Variants in MAX observed in about 807,000 individuals in gnomAD.
MAX encodes the protein protein max.
MAX carries 3 observed loss-of-function variants against 22.3 expected under a neutral mutation model. That is an observed-to-expected ratio of 0.13 (90% CI 0.06 to 0.35). The LOEUF (loss-of-function observed/expected upper bound fraction) is 0.35. MAX is among the 10% of genes least tolerant of loss of function. The pLI, the probability that MAX is intolerant of heterozygous loss-of-function variation, is 1.00. For missense variants in MAX, 119 were observed against 209.4 expected, an observed-to-expected ratio of 0.57 and a Z score of 2.66; for synonymous variants, 72 against 77.7, an observed-to-expected ratio of 0.93 and a Z score of 0.39.
chr14:65,068,068 G>T (rs2062949210), intron 3 of MAX, among the ~76,000 whole-genome samples: 1 of 152,128 alleles, frequency 6.6e-6, no homozygotes, highest in Non-Finnish European at 1.5e-5. Context: ...GAGGTAGTTT[G>T]TCAGGTTCCT....
chr14:65,055,704 A>G (rs2139682294), intron 3 of MAX, among the ~76,000 whole-genome samples: 1 of 152,078 alleles, frequency 6.6e-6, no homozygotes. Flanking sequence ...TTTAGTAGAG[A>G]CAGGGTTTCC....
At chr14:65,068,327 C>A (rs905769034) in intron 3 of MAX, among the ~76,000 whole-genome samples, 1 of 152,106 alleles carries the variant, frequency 6.6e-6, no homozygotes, top group Non-Finnish European at 1.5e-5. Flanking sequence ...CTCAGCTACT[C>A]GAGAAGCTGA....
rs768055651 is a variant in MAX at position 65,044,943 on chromosome 14, C to T, written c.172-38659G>A. 5.3e-5 allele frequency among the ~76,000 whole-genome samples: 8 copies of T among 152,094 alleles called. No homozygotes were observed. Among genetic ancestry groups the T allele is most frequent in the Non-Finnish European group, 1.0e-4 (7 of 68,016 alleles). The stretch of plus-strand genomic sequence containing the variant: ...CCTACACCATGGAGAAGAGACTCGC[C>T]GTGTCTGACTGGCTGCAGAGTTGTC... On this transcript the variant is annotated intron_variant, in intron 3 of 3. Transcript: ENST00000341653. The surrounding 1 kb of genome is among the most constrained non-coding windows in gnomAD (Gnocchi z 5.5).
Position 65,076,026 on chromosome 14 carries a change from CA to C in MAX, c.*449del. 8.9e-7 allele frequency: 1 copy of C among 1,118,232 alleles called. No homozygotes were observed. The highest frequency in any genetic ancestry group is 4.4e-5 in the East Asian group (1 of 22,982). The allele number at this position is 1,118,232 out of a possible 1,614,324, so 69.3% of individuals were successfully genotyped here. A position where few individuals can be genotyped will look rare whatever the true frequency, so the allele number is the denominator to read the frequency against. On this transcript the variant is annotated 3_prime_UTR_variant, in exon 5 of 5. Transcript: ENST00000358664. This position sits in a 1 kb window ranked among gnomAD's most constrained non-coding sequence, Gnocchi z 6.6. ...GATTACTCCAAACCGGTCATCTTCT[CA>C]AAGTAGAGCAGTTCAGATTCACAAA...
Position 65,076,920 on chromosome 14 carries a change from A to G in MAX, c.296-257T>C. On this transcript the variant is annotated intron_variant, in intron 4 of 4. Coordinates refer to ENST00000358664, the MANE Select transcript of MAX (RefSeq NM_002382.5). The surrounding 1 kb of genome is among the most constrained non-coding windows in gnomAD (Gnocchi z 6.6). ...CTCTGAAGAGAAGGCTTGTGATGTC[A>G]CCGTCCTGCCGTGGAAGCCCCGTGG... The G allele has an allele frequency of 8.4e-6, 5 of 594,882 alleles. No individual in the cohort carries two copies. The highest frequency in any genetic ancestry group is 1.5e-5 in the Non-Finnish European group (5 of 330,734). 36.9% of individuals were successfully genotyped at this position (594,882 alleles called of 1,614,324 possible).
intron 3 of MAX, among the ~76,000 whole-genome samples, chr14:65,092,386 T>C (rs1334142662): frequency 1.3e-5 from 2 of 152,206 alleles, no homozygotes; most frequent in East Asian, 1.9e-4. Context: ...TAATTGATAC[T>C]ATGGTACAGG....
At chr14:65,065,227 G>C (rs528895421) in intron 3 of MAX, among the ~76,000 whole-genome samples, 15 of 152,324 alleles carry the variant, frequency 9.8e-5, no homozygotes, top group African/African-American at 3.4e-4. Flanking sequence ...GGAAACCAGC[G>C]TGAGAAGCCA....
intron 3 of MAX, among the ~76,000 whole-genome samples, chr14:65,065,485 CTA>C (rs2062922692): frequency 1.3e-5 from 2 of 152,294 alleles, no homozygotes; most frequent in African/African-American, 4.8e-5. Context: ...ATGGCCTACC[CTA>C]CCGCACACCT....
intron 3 of MAX, chr14:65,040,951 GC>G (rs757830095): frequency 1.2e-5 from 19 of 1,607,972 alleles, no homozygotes; most frequent in Middle Eastern, 3.3e-4. Flanking sequence ...CCCCTCTCAG[GC>G]CCCAGGTCAT....
Position 65,088,230 on chromosome 14 carries a change from C to T in MAX, c.171+5478G>A, listed in dbSNP as rs752922181. ...TGGAAGGTTAATGTCAGGAAGGAGGCGAAAAAGCAGGTAGGTAAGCTGGGT... is the reference window on the plus strand; with the variant it reads ...TGGAAGGTTAATGTCAGGAAGGAGGTGAAAAAGCAGGTAGGTAAGCTGGGT... On this transcript the variant is annotated intron_variant, in intron 3 of 4. Coordinates refer to ENST00000358664, the MANE Select transcript of MAX (RefSeq NM_002382.5). This position sits in a 1 kb window ranked among gnomAD's most constrained non-coding sequence, Gnocchi z 5.2. Among the ~76,000 whole-genome samples, 7 of 152,008 alleles carry T rather than the reference C, an allele frequency of 4.6e-5. No homozygotes were observed. The highest frequency in any genetic ancestry group is 7.2e-5 in the African/African-American group (3 of 41,384).
rs1489738001 is a variant in MAX at position 65,037,375 on chromosome 14, T to C, written c.172-31091A>G. 2.1e-5 allele frequency among the ~76,000 whole-genome samples: 3 copies of C among 143,022 alleles called. No homozygotes were observed. In the Admixed American group the frequency reaches 2.2e-4, roughly 11 times the overall value. The allele number at this position is 143,022 out of a possible 152,430, so 93.8% of individuals were successfully genotyped here. On this transcript the variant is annotated intron_variant, in intron 3 of 3. Transcript: ENST00000341653. ...GCCTCGGCCTCCCAAAGTGCTGAGATTATAGGCGTGAGCCACCACGCCGGG... is the reference window on the plus strand; with the variant it reads ...GCCTCGGCCTCCCAAAGTGCTGAGACTATAGGCGTGAGCCACCACGCCGGG...
At chr14:65,052,374 A>C (rs1022228435) in intron 3 of MAX, among the ~76,000 whole-genome samples, 2 of 152,204 alleles carry the variant, frequency 1.3e-5, no homozygotes, top group Admixed American at 1.3e-4. Flanking sequence ...ATTGTTGGGC[A>C]TCTTTTTTTT....
Position 65,093,728 on chromosome 14 carries a change from G to C in MAX, c.151C>G (p.Pro51Ala), listed in dbSNP as rs2139883043. 6.2e-7 allele frequency: 1 copy of C among 1,605,644 alleles called. No homozygotes were observed. Among genetic ancestry groups the C allele is most frequent in the Non-Finnish European group, 8.5e-7 (1 of 1,172,230 alleles). Residue 51 changes from proline to alanine, a missense_variant, in exon 3 of 5, where the codon CCA becomes GCA. Physicochemically the swap from Pro to Ala is conservative, Grantham distance 27. Coordinates refer to ENST00000358664, the MANE Select transcript of MAX (RefSeq NM_002382.5). The surrounding 1 kb of genome is among the most constrained non-coding windows in gnomAD (Gnocchi z 4.4). ...CTCACCTTCTCTCCTTGGAGTGATG[G>C]GACTGAGTCCCGCAAACTGTGAAAG... ...DSFHSLRDSV[P>A]SLQGEKASRA...
At chr14:65,013,161 T>G (rs1292077586) in intron 3 of MAX, among the ~76,000 whole-genome samples, 7 of 152,176 alleles carry the variant, frequency 4.6e-5, no homozygotes, top group African/African-American at 1.4e-4. Context: ...TGGCAATGAT[T>G]TGCCAACTCA....
In MAX at chr14:65,077,819, C is replaced by CT; in HGVS notation, c.295+93_295+94insA. 1 of 1,614,156 alleles carries CT rather than the reference C, an allele frequency of 6.2e-7. No homozygotes were observed. The highest frequency in any genetic ancestry group is 8.5e-7 in the Non-Finnish European group (1 of 1,180,030). The stretch of plus-strand genomic sequence containing the variant: ...CCAAGCCTGCTACTGAGCACATACT[C>CT]CATGACTGGCTCTGACTCTGCAGGC... On this transcript the variant is annotated intron_variant, in intron 4 of 4. Transcript: ENST00000358664. The surrounding 1 kb of genome is among the most constrained non-coding windows in gnomAD (Gnocchi z 6.3).
At position 65,007,994 on chromosome 14, in the gene MAX, C is replaced by T. The variant is rs1206691989; in HGVS notation, c.172-1710G>A. On this transcript the variant is annotated intron_variant, in intron 3 of 3. Transcript: ENST00000341653. This position sits in a 1 kb window ranked among gnomAD's most constrained non-coding sequence, Gnocchi z 4.9. ...CCTCAAAGCAGGTCTCTCACAGGCA[C>T]CAGCTTAGCTCCCGTGTTTTCTACT... 6.6e-6 allele frequency among the ~76,000 whole-genome samples: 1 copy of T among 152,180 alleles called. No individual in the cohort carries two copies. The highest frequency in any genetic ancestry group is 1.5e-5 in the Non-Finnish European group (1 of 68,036).
rs1456378924 is a variant in MAX at position 65,078,657 on chromosome 14, G to A, written c.172-621C>T. 6.6e-6 allele frequency among the ~76,000 whole-genome samples: 1 copy of A among 151,976 alleles called. No individual in the cohort carries two copies. Among genetic ancestry groups the A allele is most frequent in the Non-Finnish European group, 1.5e-5 (1 of 68,006 alleles). Reference sequence around the variant, plus strand: ...TGATTCTTCTGCCTCAGCCTCCAGAGTAGCTGGGATTACAAGTACATGCCA... The same window carrying A: ...TGATTCTTCTGCCTCAGCCTCCAGAATAGCTGGGATTACAAGTACATGCCA... On this transcript the variant is annotated intron_variant, in intron 3 of 4. Coordinates refer to ENST00000358664, the MANE Select transcript of MAX (RefSeq NM_002382.5). This position sits in a 1 kb window ranked among gnomAD's most constrained non-coding sequence, Gnocchi z 6.4.
At chr14:65,102,277 C>G (rs373635057) in intron 1 of MAX, 27 bp downstream of exon 1, 1 of 1,613,412 alleles carries the variant, frequency 6.2e-7, no homozygotes, top group Non-Finnish European at 8.5e-7. Context: ...ACAACCCGCA[C>G]GGGAAGGAAG....
At chr14:65,074,648 G>C (rs756581069), downstream of MAX, among the ~76,000 whole-genome samples, 1 of 152,240 alleles carries the variant, frequency 6.6e-6, no homozygotes, top group Non-Finnish European at 1.5e-5. Flanking sequence ...GTCCCAGTCT[G>C]AGTAGAGCTA....
Sources: allele counts gnomAD v4.1 joint callset (sites outside exome capture counted in the v4.1 genomes callset), GRCh38; gene constraint gnomAD v4.1.1; non-coding constraint Gnocchi (gnomAD v3.1); transcripts MANE v1.5; gene names NCBI Gene and HGNC (gene_info 2026-07-23, HGNC 2026-07-21).